Variants in RAD21 observed in about 807,000 individuals in gnomAD.
RAD21 encodes the protein RAD21 cohesin complex component, also known as double-strand-break repair protein rad21 homolog.
RAD21 carries 18 observed loss-of-function variants against 71.5 expected under a neutral mutation model. The ratio of observed to expected loss-of-function variants is 0.25; its 90% CI spans 0.17 to 0.37. The LOEUF is 0.37. Among genes scored for constraint, RAD21 ranks in the 10% least tolerant of loss-of-function variants. The pLI is 1.00. For missense variants in RAD21, 493 were observed against 769.1 expected (o/e 0.64, Z 4.25); for synonymous variants, 248 against 254.0 (o/e 0.98, Z 0.22).
chr8:116,866,970 T>C (rs1812708736), intron 1 of RAD21: 1 of 325,230 alleles, frequency 3.1e-6, no homozygotes, highest in South Asian at 9.9e-5. Flanking sequence ...GACCCCAAAA[T>C]ACTAAGAGCT....
chr8:116,873,909 G>A (rs972316350), intron 1 of RAD21, among the ~76,000 whole-genome samples: 3 of 152,198 alleles, frequency 2.0e-5, no homozygotes, highest in Non-Finnish European at 4.4e-5. Flanking sequence ...AAGTTCAGGG[G>A]AAAACCAATT....
intron 2 of RAD21, 54 bp from the exon 3 acceptor site, chr8:116,863,313 GTCT>G (rs1344295954): frequency 2.3e-5 from 36 of 1,548,586 alleles, no homozygotes; most frequent in African/African-American, 1.1e-4. Flanking sequence ...GCCATTCATA[GTCT>G]TCTTTTTATC....
At chr8:116,867,210 T>C (rs1005647839) in intron 1 of RAD21, among the ~76,000 whole-genome samples, 2 of 152,156 alleles carry the variant, frequency 1.3e-5, no homozygotes, top group Non-Finnish European at 1.5e-5. Flanking sequence ...ATCTGTAAAA[T>C]TGCTACTACA....
chr8:116,858,287 G>T, intron 5 of RAD21, 65 bp downstream of exon 5: 2 of 1,240,440 alleles, frequency 1.6e-6, no homozygotes, highest in Non-Finnish European at 2.3e-6. Context: ...GTTTTCTTTT[G>T]AAATTGCTAT....
chr8:116,858,267 C>CTAT lies in RAD21; in HGVS notation c.481+82_481+84dup, dbSNP rs932747590. ...TACATGAAATTTTAAGTCTTTCTGT[C>CTAT]TATAGTCTGGTTTTCTTTTGAAATT... On this transcript the variant is annotated intron_variant, in intron 5 of 13. Transcript: ENST00000297338. The CTAT allele has an allele frequency of 1.4e-4, 148 of 1,046,730 alleles. No individual in the cohort carries two copies. The Admixed American group carries it at 2.5e-3, about 17-fold the overall frequency. The allele number at this position is 1,046,730 out of a possible 1,614,324, so 64.8% of individuals were successfully genotyped here. A position where few individuals can be genotyped will look rare whatever the true frequency, so the allele number is the denominator to read the frequency against.
chr8:116,870,705 G>A (rs1812803451), intron 1 of RAD21, among the ~76,000 whole-genome samples: 1 of 152,170 alleles, frequency 6.6e-6, no homozygotes, highest in Non-Finnish European at 1.5e-5. Flanking sequence ...CACTATGGAA[G>A]CAAGCAACTG....
At chr8:116,857,889 C>T (rs1812503412) in intron 5 of RAD21, among the ~76,000 whole-genome samples, 2 of 152,180 alleles carry the variant, frequency 1.3e-5, no homozygotes, top group Admixed American at 1.3e-4. Flanking sequence ...GGGAGGATCA[C>T]TTGAATCCAA....
intron 10 of RAD21, 200 bp downstream of exon 10, chr8:116,852,349 T>G: frequency 1.5e-6 from 1 of 668,786 alleles, no homozygotes; most frequent in Non-Finnish European, 2.4e-6. Context: ...CTATCTACCC[T>G]GCCAGTTCTG....
At chr8:116,856,798 T>C in intron 6 of RAD21, 27 bp from the exon 7 acceptor site, 1 of 1,454,552 alleles carries the variant, frequency 6.9e-7, no homozygotes, top group Non-Finnish European at 9.2e-7. Context: ...AAGTTAGTTA[T>C]AATTTGAAAA....
chr8:116,847,410 A>C lies in RAD21; in HGVS notation c.*90T>G. 1.8e-6 allele frequency: 2 copies of C among 1,141,190 alleles called. No individual in the cohort carries two copies. Among genetic ancestry groups the C allele is most frequent in the Non-Finnish European group, 2.4e-6 (2 of 823,878 alleles). The allele number at this position is 1,141,190 out of a possible 1,614,324, so 70.7% of individuals were successfully genotyped here. A position where few individuals can be genotyped will look rare whatever the true frequency, so the allele number is the denominator to read the frequency against. ...AAGACTTTGTACAGACAAAAATCTA[A>C]GTTTTCTCAAAGGGTTCTGTGTCCC... On this transcript the variant is annotated 3_prime_UTR_variant, in exon 14 of 14. Transcript: ENST00000297338.
Position 116,858,470 on chromosome 8 carries a change from G to A in RAD21, c.375-12C>T, listed in dbSNP as rs1035407279. The A allele has an allele frequency of 1.1e-5, 17 of 1,591,944 alleles. No individual in the cohort carries two copies. The highest frequency in any genetic ancestry group is 3.3e-4 in the Middle Eastern group (2 of 6,024). ...CCACATCGATGTCACTTTAAAAGAA[G>A]GTCAAATACATTTTAGTTTCAAGTC... On this transcript the variant is annotated splice_polypyrimidine_tract_variant and intron_variant, in intron 4 of 13. Transcript: ENST00000297338.
At chr8:116,871,870 C>A (rs1291244084) in intron 1 of RAD21, among the ~76,000 whole-genome samples, 2 of 152,212 alleles carry the variant, frequency 1.3e-5, no homozygotes, top group Non-Finnish European at 2.9e-5. Flanking sequence ...GGAACTTGAA[C>A]TTCAGAATCC....
chr8:116,853,733 T>A (rs957792318), intron 9 of RAD21, among the ~76,000 whole-genome samples: 2 of 152,140 alleles, frequency 1.3e-5, no homozygotes, highest in Non-Finnish European at 1.5e-5. Flanking sequence ...TCAGACAGAA[T>A]AGTAGCCTAA....
intron 4 of RAD21, among the ~76,000 whole-genome samples, chr8:116,859,708 C>T (rs1220015353): frequency 2.0e-5 from 3 of 151,782 alleles, no homozygotes; most frequent in African/African-American, 7.3e-5. Context: ...TTCCTTGAGA[C>T]ACAACTACAT....
intron 9 of RAD21, 67 bp from the exon 10 acceptor site, chr8:116,852,775 T>C: frequency 8.5e-7 from 1 of 1,176,404 alleles, no homozygotes; most frequent in Non-Finnish European, 1.1e-6. Flanking sequence ...TCACCACTGA[T>C]TTCTATCTTC....
At chr8:116,848,726 A>C (rs1586261231) in intron 13 of RAD21, among the ~76,000 whole-genome samples, 3 of 151,834 alleles carry the variant, frequency 2.0e-5, no homozygotes. Context: ...TCTTGGCCTA[A>C]CAGTTTATGT....
Position 116,861,853 on chromosome 8 carries a change from A to G in RAD21, c.362T>C (p.Leu121Pro). 1 of 1,609,576 alleles carries G rather than the reference A, an allele frequency of 6.2e-7. No homozygotes were observed. The highest frequency in any genetic ancestry group is 8.5e-7 in the Non-Finnish European group (1 of 1,176,340). ...AGAAGACACATACTCTAAGTCAGGC[A>G]GTGGCTGATCAAAGTCATGAAATTC... The part of the protein sequence containing the change: ...PEEFHDFDQP[L>P]PDLDDIDVAQ... The change falls in exon 4 of 14, where the codon CTG becomes CCG. Residue 121 changes from leucine to proline, a missense_variant. Around this residue, in one of 5 missense-constraint regions of RAD21, gnomAD observed 165 missense variants for 229.6 expected, o/e 0.72. Transcript: ENST00000297338.
intron 11 of RAD21, chr8:116,851,303 A>G (rs973088827): frequency 6.6e-6 from 1 of 152,304 alleles, no homozygotes; most frequent in Non-Finnish European, 1.5e-5. Flanking sequence ...TCCTGAGCTC[A>G]TACAGAAAAA....
chr8:116,864,361 T>C (rs560619555), intron 2 of RAD21, among the ~76,000 whole-genome samples: 15 of 152,278 alleles, frequency 9.9e-5, no homozygotes, highest in Non-Finnish European at 1.9e-4. Context: ...TTGTTATTTG[T>C]AAAAGAAAAT....
Sources: allele counts gnomAD v4.1 joint callset (sites outside exome capture counted in the v4.1 genomes callset), GRCh38; gene constraint gnomAD v4.1.1; regional missense constraint gnomAD v4.1.1; transcripts MANE v1.5; gene names NCBI Gene and HGNC (gene_info 2026-07-23, HGNC 2026-07-21).